The following PTPRD variants were observed in gnomAD, a reference collection of about 807,000 sequenced individuals.
The protein encoded by PTPRD is protein tyrosine phosphatase receptor type D.
PTPRD carries 34 observed loss-of-function variants against 214.5 expected under a neutral mutation model. The ratio of observed to expected loss-of-function variants is 0.16; its 90% confidence interval spans 0.12 to 0.21. The LOEUF (loss-of-function observed/expected upper bound fraction) is 0.21, where lower values mean the gene tolerates loss of function less well. Among genes scored for constraint, PTPRD ranks in the 10% least tolerant of loss-of-function variants. The pLI, the probability that PTPRD is intolerant of heterozygous loss-of-function variation, is 1.00. For missense variants in PTPRD, 2,545 were observed against 2,398.7 expected (o/e 1.06, Z -1.27); for synonymous variants, 1,128 against 845.7 (o/e 1.33, Z -5.79).
chr9:9,000,509 CT>C, intron 11 of PTPRD, among the ~76,000 whole-genome samples: 1 of 151,974 alleles, frequency 6.6e-6, no homozygotes, highest in Non-Finnish European at 1.5e-5. Context: ...ACCTATTAAC[CT>C]TTTTAAAAAA....
intron 14 of PTPRD, among the ~76,000 whole-genome samples, chr9:8,599,762 C>T (rs901438250): frequency 3.3e-5 from 5 of 151,662 alleles, no homozygotes; most frequent in South Asian, 2.1e-4. Flanking sequence ...GGATTACAGG[C>T]GTGCGCCACC....
chr9:8,486,460 C>G (rs1163866787), intron 27 of PTPRD, 111 bp from the exon 28 acceptor site: 3 of 893,540 alleles, frequency 3.4e-6, no homozygotes, highest in Non-Finnish European at 5.6e-6. Flanking sequence ...TCTTACTTAC[C>G]AAAACAAAAC....
At position 10,612,244 on chromosome 9, in the gene PTPRD, C is replaced by G. The variant is rs191005306; in HGVS notation, c.-600+154G>C. Among the ~76,000 whole-genome samples the G allele has an allele frequency of 1.6e-3, 244 of 150,426 alleles. 2 individuals are homozygous for G. Among genetic ancestry groups the G allele is most frequent in the Middle Eastern group, 0.01 (3 of 290 alleles). ...AAAAAAGAAAAAAATGCTTAGCGAA[C>G]CACTTCTCAAATAGGAGCTACTGAA... On this transcript the variant is annotated intron_variant, in intron 2 of 45. Transcript: ENST00000381196.
intron 8 of PTPRD, among the ~76,000 whole-genome samples, chr9:9,542,423 C>T (rs908564565): frequency 6.6e-6 from 1 of 151,556 alleles, no homozygotes; most frequent in Non-Finnish European, 1.5e-5. Context: ...AAGCTCTTAC[C>T]TTTAAATAAA....
intron 3 of PTPRD, among the ~76,000 whole-genome samples, chr9:10,331,596 G>T (rs1375046986): frequency 6.6e-6 from 1 of 151,772 alleles, no homozygotes; most frequent in Non-Finnish European, 1.5e-5. Context: ...CTGCTCTTGT[G>T]TTATACACTA....
chr9:8,875,615 T>G (rs1184973417), intron 11 of PTPRD, among the ~76,000 whole-genome samples: 1 of 116,716 alleles, frequency 8.6e-6, no homozygotes, highest in African/African-American at 2.6e-5. Flanking sequence ...AAACAGGAAG[T>G]TGACAGTTAT....
chr9:8,568,016 C>G (rs1178736923), intron 14 of PTPRD, among the ~76,000 whole-genome samples: 1 of 152,176 alleles, frequency 6.6e-6, no homozygotes, highest in Admixed American at 6.5e-5. Flanking sequence ...GGCTGTCAAC[C>G]ATTTTTAATG....
intron 4 of PTPRD, among the ~76,000 whole-genome samples, chr9:9,993,212 T>C (rs1343338218): frequency 1.3e-5 from 2 of 152,200 alleles, no homozygotes; most frequent in Non-Finnish European, 2.9e-5. Context: ...GTCTAATTAC[T>C]TTAGACATCA....
chr9:9,735,493 T>C (rs2098276642), intron 6 of PTPRD, among the ~76,000 whole-genome samples: 1 of 152,138 alleles, frequency 6.6e-6, no homozygotes, highest in African/African-American at 2.4e-5. Flanking sequence ...AGGTTTTATA[T>C]GTGCATATGA....
intron 2 of PTPRD, among the ~76,000 whole-genome samples, chr9:10,590,008 AAACT>A (rs1198091301): frequency 2.6e-5 from 4 of 152,064 alleles, no homozygotes; most frequent in Non-Finnish European, 5.9e-5. Flanking sequence ...AAGAAGTACA[AAACT>A]AATTGAAAAT....
At chr9:9,500,531 G>C (rs964527829) in intron 8 of PTPRD, among the ~76,000 whole-genome samples, 9 of 152,040 alleles carry the variant, frequency 5.9e-5, no homozygotes, top group South Asian at 2.1e-4. Context: ...TAGGGTATCA[G>C]GTAGGAGAGA....
At chr9:9,216,912 T>C (rs1221363290) in intron 9 of PTPRD, among the ~76,000 whole-genome samples, 1 of 152,198 alleles carries the variant, frequency 6.6e-6, no homozygotes, top group African/African-American at 2.4e-5. Flanking sequence ...TATTGTTTTT[T>C]CTTCTGAATT....
At chr9:10,014,039 T>C (rs1013808818) in intron 4 of PTPRD, among the ~76,000 whole-genome samples, 2 of 151,984 alleles carry the variant, frequency 1.3e-5, no homozygotes, top group African/African-American at 2.4e-5. Flanking sequence ...AGTTTCTGAA[T>C]AAATAAATCT....
chr9:8,832,299 A>C (rs1007622288), intron 11 of PTPRD, among the ~76,000 whole-genome samples: 1 of 152,104 alleles, frequency 6.6e-6, no homozygotes, highest in Non-Finnish European at 1.5e-5. Context: ...TTTGAGAAAA[A>C]CAATGAAGAA....
chr9:9,992,073 T>C (rs748912400), intron 4 of PTPRD, among the ~76,000 whole-genome samples: 8 of 152,142 alleles, frequency 5.3e-5, no homozygotes, highest in South Asian at 2.1e-4. Flanking sequence ...AGATTCGTGA[T>C]TGTCTAGACC....
At chr9:9,901,744 T>A (rs1464760652) in intron 5 of PTPRD, among the ~76,000 whole-genome samples, 1 of 152,092 alleles carries the variant, frequency 6.6e-6, no homozygotes, top group East Asian at 1.9e-4. Context: ...TGACTCACAG[T>A]TCTGGAGGCT....
intron 11 of PTPRD, among the ~76,000 whole-genome samples, chr9:9,014,176 C>CATT (rs754955817): frequency 1.6e-5 from 2 of 123,114 alleles, no homozygotes; most frequent in African/African-American, 6.5e-5. Context: ...GCTATTACCT[C>CATT]GTTTTTTTTT....
At chr9:9,813,930 C>T (rs1004713856) in intron 5 of PTPRD, among the ~76,000 whole-genome samples, 5 of 151,982 alleles carry the variant, frequency 3.3e-5, no homozygotes, top group Non-Finnish European at 7.4e-5. Context: ...GGGATTTATC[C>T]CTTGCAAATG....
intron 7 of PTPRD, among the ~76,000 whole-genome samples, chr9:9,637,255 G>C (rs2095801640): frequency 6.6e-6 from 1 of 152,060 alleles, no homozygotes; most frequent in South Asian, 2.1e-4. Flanking sequence ...ATTCACTCTA[G>C]CATAAACTCA....
Sources: gnomAD v4.1 joint callset for allele counts (sites outside exome capture counted in the v4.1 genomes callset) on GRCh38, gnomAD v4.1.1 for gene constraint, MANE v1.5 for transcripts, NCBI Gene and HGNC (gene_info 2026-07-23, HGNC 2026-07-21) for gene names.